The following NOVA2 variants were observed in gnomAD, a reference collection of about 807,000 sequenced individuals.
NOVA2 encodes NOVA alternative splicing regulator 2, also known as RNA-binding protein Nova-2.
A neutral mutation model predicts 22.5 loss-of-function variants in NOVA2; 9 were observed. The observed-to-expected ratio is 0.40, with a 90% CI of 0.24 to 0.70. The LOEUF (loss-of-function observed/expected upper bound fraction) is 0.70. NOVA2 is among the 30% of genes least tolerant of loss of function. The pLI is 0.38. For missense variants in NOVA2, 383 were observed against 682.8 expected (o/e 0.56, Z 4.89); for synonymous variants, 318 against 335.2 (o/e 0.95, Z 0.56).
chr19:45,935,154 G>T lies in NOVA2; in HGVS notation c.*4709C>A, dbSNP rs1967638820. The T allele has an allele frequency of 6.6e-6, 1 of 151,002 alleles. No individual in the cohort carries two copies. The highest frequency in any genetic ancestry group is 1.5e-5 in the Non-Finnish European group (1 of 67,774). The allele number at this position is 151,002 out of a possible 1,614,324, so 9.4% of individuals were successfully genotyped here. A position where few individuals can be genotyped will look rare whatever the true frequency, so the allele number is the denominator to read the frequency against. On this transcript the variant is annotated 3_prime_UTR_variant, in exon 4 of 4. Transcript: ENST00000263257. Reference sequence around the variant, plus strand: ...GGGTAGGGAAAGGGGTGGGGGAGGGGGGGTTAGGCAGTCCCCCCCCAGTTA... The same window carrying T: ...GGGTAGGGAAAGGGGTGGGGGAGGGTGGGTTAGGCAGTCCCCCCCCAGTTA...
chr19:45,965,519 A>G (rs1568672464), intron 1 of NOVA2, among the ~76,000 whole-genome samples: 2 of 152,202 alleles, frequency 1.3e-5, no homozygotes, highest in Non-Finnish European at 1.5e-5. Context: ...ACTTAAGGTC[A>G]TGAGTTCGAG....
At chr19:45,951,428 C>A (rs969276348) in intron 3 of NOVA2, among the ~76,000 whole-genome samples, 3 of 152,006 alleles carry the variant, frequency 2.0e-5, no homozygotes, top group African/African-American at 7.2e-5. Flanking sequence ...ACTGGCCTGG[C>A]CAACATGGTG....
intron 1 of NOVA2, among the ~76,000 whole-genome samples, chr19:45,961,568 G>A (rs1441456818): frequency 6.6e-6 from 1 of 152,132 alleles, no homozygotes. Context: ...GTGTCAGAGA[G>A]GGAGGCCAGG....
chr19:45,960,568 T>A (rs1968079668), intron 2 of NOVA2, among the ~76,000 whole-genome samples: 1 of 148,976 alleles, frequency 6.7e-6, no homozygotes, highest in Admixed American at 6.7e-5. Context: ...ACATAAAGAA[T>A]GACACCGAGA....
intron 2 of NOVA2, among the ~76,000 whole-genome samples, chr19:45,954,648 C>A (rs962984394): frequency 9.2e-5 from 14 of 151,860 alleles, no homozygotes; most frequent in Non-Finnish European, 1.5e-4. Flanking sequence ...GGAGTGAGGA[C>A]CAAGGAACTG....
At chr19:45,955,851 C>T (rs906633105) in intron 2 of NOVA2, among the ~76,000 whole-genome samples, 3 of 150,096 alleles carry the variant, frequency 2.0e-5, no homozygotes, top group Non-Finnish European at 3.0e-5. Flanking sequence ...AGCGGGACTC[C>T]GTCTCAAAAA....
chr19:45,952,024 T>C (rs1456846279), intron 3 of NOVA2, among the ~76,000 whole-genome samples: 7 of 152,126 alleles, frequency 4.6e-5, no homozygotes, highest in African/African-American at 1.7e-4. Flanking sequence ...TTCAATACTT[T>C]AGTTATTTAA....
chr19:45,940,802 C>T lies in NOVA2; in HGVS notation c.540G>A (p.Val180=), dbSNP rs546277285. 5.0e-6 allele frequency: 8 copies of T among 1,606,842 alleles called. No individual in the cohort carries two copies. Among genetic ancestry groups the T allele is most frequent in the African/African-American group, 4.0e-5 (3 of 75,030 alleles). Residue 180 remains valine, a synonymous_variant, in exon 4 of 4, where the codon GTG becomes GTA. Coordinates refer to ENST00000263257, the MANE Select transcript of NOVA2 (RefSeq NM_002516.4). ...CCTGCTCGGGCTCGCCGCTGACCGT[C>T]ACCACGCGCTCCTGCAGGTTGATGC... The part of the protein sequence containing the change: ...PEGINLQERV[V]TVSGEPEQVH...
At chr19:45,947,345 G>A (rs1967856321) in intron 3 of NOVA2, among the ~76,000 whole-genome samples, 3 of 152,146 alleles carry the variant, frequency 2.0e-5, no homozygotes, top group Admixed American at 2.0e-4. Context: ...GGAGGCAGCA[G>A]GTGTATCTTA....
At chr19:45,949,110 A>T (rs572885250) in intron 3 of NOVA2, among the ~76,000 whole-genome samples, 1 of 152,288 alleles carries the variant, frequency 6.6e-6, no homozygotes, top group African/African-American at 2.4e-5. Flanking sequence ...AAAGTAGATT[A>T]GTGGCTGGAA....
intron 1 of NOVA2, among the ~76,000 whole-genome samples, chr19:45,965,058 C>T (rs1393124879): frequency 6.6e-6 from 1 of 152,102 alleles, no homozygotes; most frequent in Non-Finnish European, 1.5e-5. Flanking sequence ...CTCTCTGGTG[C>T]CTTCCTACCA....
At chr19:45,949,219 T>G (rs1385027139) in intron 3 of NOVA2, among the ~76,000 whole-genome samples, 6 of 151,464 alleles carry the variant, frequency 4.0e-5, no homozygotes, top group African/African-American at 1.5e-4. Flanking sequence ...AGATGGTAAC[T>G]GATGTACGAC....
intron 2 of NOVA2, among the ~76,000 whole-genome samples, chr19:45,957,990 T>C (rs1968029988): frequency 6.6e-6 from 1 of 151,344 alleles, no homozygotes; most frequent in Admixed American, 6.6e-5. Context: ...CACATGCCTG[T>C]AGTCCCAGCT....
At position 45,961,161 on chromosome 19, in the gene NOVA2, G is replaced by A. The variant is rs1374908910; in HGVS notation, c.86-8C>T. On this transcript the variant is annotated splice_polypyrimidine_tract_variant and splice_region_variant and intron_variant, in intron 1 of 3. Coordinates refer to ENST00000263257, the MANE Select transcript of NOVA2 (RefSeq NM_002516.4). ...GGAAGTATTCGCCTTCCTCTGCGGG[G>A]GCACACAGGGTGGAGGGGAGTCAGC... 3 of 1,597,612 alleles carry A rather than the reference G, an allele frequency of 1.9e-6. No individual in the cohort carries two copies. The highest frequency in any genetic ancestry group is 2.3e-5 in the South Asian group (2 of 87,914).
chr19:45,957,277 G>T (rs1028342061), intron 2 of NOVA2, among the ~76,000 whole-genome samples: 5 of 152,012 alleles, frequency 3.3e-5, no homozygotes, highest in Admixed American at 3.3e-4. Context: ...AGTGGCTCAC[G>T]CCTGTAATCC....
chr19:45,941,053 G>T, intron 3 of NOVA2, 108 bp from the exon 4 acceptor site: 1 of 1,018,752 alleles, frequency 9.8e-7, no homozygotes. Flanking sequence ...ACTTTGGGGG[G>T]CTGAGGCAGG....
chr19:45,963,400 C>T (rs1030531885), intron 1 of NOVA2, among the ~76,000 whole-genome samples: 1 of 151,880 alleles, frequency 6.6e-6, no homozygotes, highest in African/African-American at 2.4e-5. Context: ...TTTCCAGCTT[C>T]ACTTCCTCAT....
chr19:45,965,107 A>G (rs1034298200), intron 1 of NOVA2, among the ~76,000 whole-genome samples: 3 of 151,906 alleles, frequency 2.0e-5, no homozygotes, highest in East Asian at 3.9e-4. Flanking sequence ...TCTTCCATGG[A>G]CTCACGGATA....
At chr19:45,965,660 G>A (rs1968158529) in intron 1 of NOVA2, among the ~76,000 whole-genome samples, 1 of 152,060 alleles carries the variant, frequency 6.6e-6, no homozygotes, top group Admixed American at 6.6e-5. Context: ...AACCCAGGAG[G>A]CAGAGGTTGC....
Sources: allele counts gnomAD v4.1 joint callset (sites outside exome capture counted in the v4.1 genomes callset), GRCh38; gene constraint gnomAD v4.1.1; transcripts MANE v1.5; gene names NCBI Gene and HGNC (gene_info 2026-07-23, HGNC 2026-07-21).